MGAT5: variants seen among roughly 807,000 people sequenced by gnomAD.
MGAT5 encodes the protein alpha-1,6-mannosylglycoprotein 6-beta-N-acetylglucosaminyltransferase.
In MGAT5, 30 loss-of-function variants were observed where a neutral mutation model predicts 94.3. The observed-to-expected ratio is 0.32, with a 90% CI of 0.24 to 0.43. The LOEUF is 0.43. Among genes scored for constraint, MGAT5 ranks in the 20% least tolerant of loss-of-function variants. MGAT5 has a pLI of 1.00. For missense variants in MGAT5, 691 were observed against 905.5 expected (o/e 0.76, Z 3.04); for synonymous variants, 310 against 322.9 (o/e 0.96, Z 0.43).
At chr2:134,413,708 T>C (rs1409221477) in intron 12 of MGAT5, among the ~76,000 whole-genome samples, 2 of 152,184 alleles carry the variant, frequency 1.3e-5, no homozygotes, top group Non-Finnish European at 2.9e-5. Flanking sequence ...AACCATAAGA[T>C]TGATTTTCTG....
chr2:134,238,986 C>T (rs1681813570), intron 1 of MGAT5, among the ~76,000 whole-genome samples: 2 of 152,002 alleles, frequency 1.3e-5, no homozygotes, highest in Non-Finnish European at 1.5e-5. Flanking sequence ...TTGCCCTAAA[C>T]GTGTTTTATT....
At chr2:134,306,080 A>G (rs1417825488) in intron 2 of MGAT5, among the ~76,000 whole-genome samples, 1 of 152,140 alleles carries the variant, frequency 6.6e-6, no homozygotes, top group Admixed American at 6.5e-5. Context: ...TTTGATGTAT[A>G]AAACTAGCAT....
At chr2:134,330,876 A>G (rs1486360153) in intron 4 of MGAT5, among the ~76,000 whole-genome samples, 3 of 152,160 alleles carry the variant, frequency 2.0e-5, no homozygotes, top group Non-Finnish European at 4.4e-5. Context: ...AGAAAAAGCC[A>G]TAACACAGAC....
chr2:134,372,490 G>C (rs955342461), intron 10 of MGAT5, among the ~76,000 whole-genome samples: 1 of 152,158 alleles, frequency 6.6e-6, no homozygotes, highest in African/African-American at 2.4e-5. Context: ...GTAGCCTCTT[G>C]AAGCATGTGT....
At chr2:134,369,798 T>G (rs565979745) in intron 10 of MGAT5, among the ~76,000 whole-genome samples, 1 of 149,318 alleles carries the variant, frequency 6.7e-6, no homozygotes, top group African/African-American at 2.5e-5. Flanking sequence ...TCTAGAAATT[T>G]GCTATCTTAT....
chr2:134,346,718 G>A (rs1203727816), intron 8 of MGAT5, among the ~76,000 whole-genome samples: 2 of 152,068 alleles, frequency 1.3e-5, no homozygotes, highest in Non-Finnish European at 2.9e-5. Context: ...TCCAATTTAC[G>A]TAGGGACCTA....
chr2:134,229,068 T>G (rs532445776), intron 1 of MGAT5, among the ~76,000 whole-genome samples: 1 of 152,198 alleles, frequency 6.6e-6, no homozygotes, highest in African/African-American at 2.4e-5. Flanking sequence ...AATAATTGTT[T>G]ATGTTAAGCT....
intron 2 of MGAT5, among the ~76,000 whole-genome samples, chr2:134,276,013 CTA>C (rs1248525350): frequency 6.6e-6 from 1 of 152,162 alleles, no homozygotes; most frequent in Non-Finnish European, 1.5e-5. Flanking sequence ...AAATTCCGAT[CTA>C]TGAGATACTG....
intron 1 of MGAT5, among the ~76,000 whole-genome samples, chr2:134,189,592 G>GTTTTTTCTTTTTT (rs1689217198): frequency 1.8e-5 from 1 of 56,316 alleles, no homozygotes; most frequent in African/African-American, 6.2e-5. Flanking sequence ...CATGGCTCTA[G>GTTTTTTCTTTTTT]TTTTTTTTTG....
chr2:134,353,892 CAAA>C (rs1218850963), intron 9 of MGAT5, among the ~76,000 whole-genome samples: 1 of 151,088 alleles, frequency 6.6e-6, no homozygotes, highest in South Asian at 2.1e-4. Context: ...TTTGCAACAA[CAAA>C]AAAAAAAAAT....
At chr2:134,151,538 T>C (rs1378753975) in intron 1 of MGAT5, among the ~76,000 whole-genome samples, 2 of 138,528 alleles carry the variant, frequency 1.4e-5, no homozygotes, top group Admixed American at 1.4e-4. Context: ...GGGACCTCAC[T>C]CACTCATGCC....
At chr2:134,287,441 G>T (rs1286257496) in intron 2 of MGAT5, among the ~76,000 whole-genome samples, 1 of 151,942 alleles carries the variant, frequency 6.6e-6, no homozygotes, top group Non-Finnish European at 1.5e-5. Flanking sequence ...TTCTTTCTTT[G>T]GTGTGAGAAT....
Position 134,303,267 on chromosome 2 carries a change from T to G in MGAT5, c.407-14262T>G, listed in dbSNP as rs114263382. ...AATTCTTTGTTAGTTCTCCAACAGT[T>G]GCGTCATCTTGTTTTTGTTGACTGT... On this transcript the variant is annotated intron_variant, in intron 2 of 15. Transcript: ENST00000281923. Among the ~76,000 whole-genome samples, 764 of 152,304 alleles carry G rather than the reference T, an allele frequency of 5.0e-3. 9 individuals are homozygous for G. Among genetic ancestry groups the G allele is most frequent in the African/African-American group, 0.018 (732 of 41,576 alleles).
At chr2:134,424,113 A>G (rs1352750210) in intron 13 of MGAT5, among the ~76,000 whole-genome samples, 1 of 152,212 alleles carries the variant, frequency 6.6e-6, no homozygotes, top group Non-Finnish European at 1.5e-5. Flanking sequence ...TTACAGGATG[A>G]GGAGTAATTT....
chr2:134,369,252 G>T (rs1375877433), intron 10 of MGAT5, among the ~76,000 whole-genome samples: 1 of 152,204 alleles, frequency 6.6e-6, no homozygotes, highest in African/African-American at 2.4e-5. Context: ...TGTGTTCTTT[G>T]CTGACCCCAG....
intron 12 of MGAT5, among the ~76,000 whole-genome samples, chr2:134,415,408 G>T (rs562765826): frequency 2.0e-5 from 3 of 152,256 alleles, no homozygotes; most frequent in South Asian, 4.1e-4. Context: ...TTTGCCTTGT[G>T]TATGTCTTCT....
At chr2:134,349,672 T>TTA in intron 8 of MGAT5, 133 bp from the exon 9 acceptor site, 1 of 985,636 alleles carries the variant, frequency 1.0e-6, no homozygotes, top group Non-Finnish European at 1.5e-6. Flanking sequence ...AACATCACAA[T>TTA]TCTTGTCTGG....
intron 1 of MGAT5, among the ~76,000 whole-genome samples, chr2:134,147,834 T>G (rs1686994196): frequency 6.6e-6 from 1 of 152,238 alleles, no homozygotes. Flanking sequence ...AAATAGACGC[T>G]GAGTTCTAAC....
Position 134,449,542 on chromosome 2 carries a change from C to T in MGAT5, c.*695C>T, listed in dbSNP as rs1003756769. On this transcript the variant is annotated 3_prime_UTR_variant, in exon 16 of 16. Coordinates refer to ENST00000281923, the MANE Select transcript of MGAT5 (RefSeq NM_002410.5). ...GCATGGGCTGCCTCAGTCAGGGGGA[C>T]GTGCCTGTGTTGTCCAGAGAGCCCA... 1.3e-5 allele frequency: 2 copies of T among 152,656 alleles called. No homozygotes were observed. The highest frequency in any genetic ancestry group is 2.9e-5 in the Non-Finnish European group (2 of 68,454). The allele number at this position is 152,656 out of a possible 1,614,324, so 9.5% of individuals were successfully genotyped here. A position where few individuals can be genotyped will look rare whatever the true frequency, so the allele number is the denominator to read the frequency against.
Sources: allele counts gnomAD v4.1 joint callset (sites outside exome capture counted in the v4.1 genomes callset), GRCh38; gene constraint gnomAD v4.1.1; transcripts MANE v1.5; gene names NCBI Gene and HGNC (gene_info 2026-07-23, HGNC 2026-07-21).